NREP: variants seen among roughly 807,000 people sequenced by gnomAD.
NREP encodes the protein neuronal regeneration-related protein.
NREP carries 5 observed loss-of-function variants against 8.6 expected under a neutral mutation model. The observed-to-expected ratio is 0.58, with a 90% CI of 0.30 to 1.22. The LOEUF (loss-of-function observed/expected upper bound fraction) is 1.22, where lower values mean the gene tolerates loss of function less well. Among genes scored for constraint, NREP ranks in the 50% most tolerant of loss-of-function variants. The probability of loss-of-function intolerance (pLI) is 0.07; values close to 1 mark genes in which losing one functional copy is unlikely to be tolerated. For missense variants in NREP, 86 were observed against 82.5 expected (o/e 1.04, Z -0.17); for synonymous variants, 27 against 28.0 (o/e 0.96, Z 0.11).
At chr5:111,761,625 G>T (rs72780114), upstream of NREP, among the ~76,000 whole-genome samples, 3 of 152,098 alleles carry the variant, frequency 2.0e-5, no homozygotes, top group African/African-American at 7.2e-5. Flanking sequence ...GGAACAGATC[G>T]CAGGATACAT....
At chr5:111,871,653 T>TA (rs979408287) in intron 2 of NREP, among the ~76,000 whole-genome samples, 6 of 151,734 alleles carry the variant, frequency 4.0e-5, no homozygotes, top group African/African-American at 9.7e-5. Context: ...TTTTCTATTT[T>TA]AAAAAAATCT....
chr5:111,864,944 A>G (rs913055413), intron 2 of NREP, among the ~76,000 whole-genome samples: 1 of 152,164 alleles, frequency 6.6e-6, no homozygotes, highest in African/African-American at 2.4e-5. Flanking sequence ...AATTTTGCTC[A>G]GTTATCTTAG....
intron 2 of NREP, among the ~76,000 whole-genome samples, chr5:111,779,024 T>C (rs1751428355): frequency 7.0e-6 from 1 of 143,554 alleles, no homozygotes; most frequent in African/African-American, 2.6e-5. Flanking sequence ...CTCCTTGATA[T>C]ATGAGTCTTC....
intron 2 of NREP, among the ~76,000 whole-genome samples, chr5:111,797,209 G>T (rs1391324463): frequency 6.6e-6 from 1 of 152,140 alleles, no homozygotes; most frequent in African/African-American, 2.4e-5. Flanking sequence ...ATAAATATTT[G>T]TTTATTTAGT....
chr5:111,786,380 C>T (rs921704343), intron 2 of NREP, among the ~76,000 whole-genome samples: 2 of 152,104 alleles, frequency 1.3e-5, no homozygotes, highest in Non-Finnish European at 2.9e-5. Flanking sequence ...TTTATAGCAG[C>T]GTGAGAACAG....
At chr5:111,784,150 G>A (rs1017091431) in intron 2 of NREP, among the ~76,000 whole-genome samples, 2 of 152,252 alleles carry the variant, frequency 1.3e-5, no homozygotes, top group Admixed American at 6.5e-5. Flanking sequence ...TCTACTTGGG[G>A]CTTTTGATGT....
At chr5:111,941,318 C>T (rs1162792925) in intron 2 of NREP, among the ~76,000 whole-genome samples, 3 of 152,178 alleles carry the variant, frequency 2.0e-5, no homozygotes, top group Middle Eastern at 3.4e-3. Flanking sequence ...GCTCAAGCTG[C>T]CATTACAAAG....
chr5:111,891,712 T>G (rs1172134639), intron 2 of NREP, among the ~76,000 whole-genome samples: 2 of 151,632 alleles, frequency 1.3e-5, no homozygotes, highest in Admixed American at 6.6e-5. Flanking sequence ...AAAGGAGGAG[T>G]AGGCATCTAA....
intron 2 of NREP, among the ~76,000 whole-genome samples, chr5:111,868,650 A>G (rs1381097152): frequency 6.6e-6 from 1 of 152,172 alleles, no homozygotes; most frequent in Non-Finnish European, 1.5e-5. Flanking sequence ...TGAGTTTACT[A>G]CAGCACTTAG....
chr5:111,915,086 A>G (rs912442860), intron 2 of NREP, among the ~76,000 whole-genome samples: 1 of 152,014 alleles, frequency 6.6e-6, no homozygotes, highest in Non-Finnish European at 1.5e-5. Flanking sequence ...TCCTTGTGCT[A>G]TTGCTTCCTG....
intron 2 of NREP, among the ~76,000 whole-genome samples, chr5:111,872,972 G>C (rs144771440): frequency 1.3e-5 from 2 of 152,080 alleles, no homozygotes; most frequent in African/African-American, 4.8e-5. Flanking sequence ...TTTAACTTGG[G>C]TCTCAGGGAT....
chr5:111,967,581 A>G (rs746076540), intron 2 of NREP, among the ~76,000 whole-genome samples: 2 of 152,172 alleles, frequency 1.3e-5, no homozygotes, highest in Non-Finnish European at 2.9e-5. Flanking sequence ...TGCTCCAGCC[A>G]AGGCATTAGA....
rs867444070 is a variant in NREP at position 111,833,660 on chromosome 5, G to C, written c.136-98153C>G. The stretch of plus-strand genomic sequence containing the variant: ...GCCTCATCCTATTGTTTGAAGTTCT[G>C]ATGGTGGTAACCTTAATTAAATGCT... On this transcript the variant is annotated intron_variant, in intron 2 of 3. Transcript: ENST00000395634. 2.6e-4 allele frequency among the ~76,000 whole-genome samples: 40 copies of C among 152,304 alleles called. 1 individual carries two copies. In the Middle Eastern group the frequency reaches 0.01, roughly 39 times the overall value.
intron 2 of NREP, among the ~76,000 whole-genome samples, chr5:111,874,598 G>A (rs1753862942): frequency 6.6e-6 from 1 of 152,148 alleles, no homozygotes; most frequent in Non-Finnish European, 1.5e-5. Flanking sequence ...CTAAATCTTT[G>A]AGTAAAGACA....
chr5:111,919,611 C>G (rs1406153892), intron 2 of NREP, among the ~76,000 whole-genome samples: 1 of 152,042 alleles, frequency 6.6e-6, no homozygotes, highest in Non-Finnish European at 1.5e-5. Context: ...TCTCAGCAAA[C>G]TAACCCAAGA....
At chr5:111,879,876 T>C (rs1561706873) in intron 2 of NREP, among the ~76,000 whole-genome samples, 1 of 152,158 alleles carries the variant, frequency 6.6e-6, no homozygotes, top group Non-Finnish European at 1.5e-5. Flanking sequence ...CATCTTTTCT[T>C]GTAAGGGAAC....
chr5:111,933,273 T>C (rs1239100402), intron 2 of NREP, among the ~76,000 whole-genome samples: 1 of 152,084 alleles, frequency 6.6e-6, no homozygotes, highest in Non-Finnish European at 1.5e-5. Flanking sequence ...AGGAGGCTGC[T>C]TTTATAACTG....
chr5:111,969,158 T>C (rs537581780), intron 2 of NREP, among the ~76,000 whole-genome samples: 23 of 152,338 alleles, frequency 1.5e-4, no homozygotes, highest in Middle Eastern at 3.4e-3. Context: ...ATGTTTCTAA[T>C]GGTGGAACAC....
intron 2 of NREP, among the ~76,000 whole-genome samples, chr5:111,838,015 A>C (rs1752937730): frequency 1.3e-5 from 2 of 152,170 alleles, no homozygotes; most frequent in South Asian, 4.2e-4. Context: ...AGATTACAGA[A>C]AATACAGGGG....
Sources: gnomAD v4.1 joint callset for allele counts (sites outside exome capture counted in the v4.1 genomes callset) on GRCh38, gnomAD v4.1.1 for gene constraint, MANE v1.5 for transcripts, NCBI Gene and HGNC (gene_info 2026-07-23, HGNC 2026-07-21) for gene names.